PLXNA4: variants seen among roughly 807,000 people sequenced by gnomAD.
PLXNA4 encodes the protein plexin A4.
Under a neutral mutation model 191.8 loss-of-function variants are expected in PLXNA4, and 44 were observed. The observed-to-expected ratio is 0.23, with a 90% confidence interval of 0.18 to 0.29. The LOEUF is 0.29. Among genes scored for constraint, PLXNA4 ranks in the 10% least tolerant of loss-of-function variants. PLXNA4 has a pLI of 1.00. For missense variants in PLXNA4, 1,800 were observed against 2,488.8 expected, an observed-to-expected ratio of 0.72 and a Z score of 5.89; for synonymous variants, 1,082 against 1,009.5, an observed-to-expected ratio of 1.07 and a Z score of -1.36.
intron 25 of PLXNA4, among the ~76,000 whole-genome samples, chr7:132,149,752 G>A (rs1161941108): frequency 1.3e-5 from 2 of 152,182 alleles, no homozygotes; most frequent in Admixed American, 6.5e-5. Flanking sequence ...TAAGTGGCCT[G>A]GCAGTCACTG....
intron 2 of PLXNA4, among the ~76,000 whole-genome samples, chr7:132,497,631 A>C (rs1301317953): frequency 6.6e-6 from 1 of 152,144 alleles, no homozygotes; most frequent in Non-Finnish European, 1.5e-5. Flanking sequence ...TAATGCCTAA[A>C]CTTTCTCTTT....
At chr7:132,314,718 G>T (rs773646747) in intron 3 of PLXNA4, among the ~76,000 whole-genome samples, 43 of 152,194 alleles carry the variant, frequency 2.8e-4, no homozygotes, top group Non-Finnish European at 4.0e-4. Context: ...GGGTCTGCAC[G>T]CTGGAGTTCA....
intron 4 of PLXNA4, among the ~76,000 whole-genome samples, chr7:132,267,425 G>A (rs1482371222): frequency 6.6e-6 from 1 of 152,156 alleles, no homozygotes; most frequent in Admixed American, 6.5e-5. Flanking sequence ...AGCTCACAGA[G>A]CCCTCAGCCC....
At chr7:132,570,737 T>C (rs540841548) in intron 1 of PLXNA4, among the ~76,000 whole-genome samples, 20 of 152,372 alleles carry the variant, frequency 1.3e-4, no homozygotes, top group Admixed American at 3.3e-4. Flanking sequence ...GCGGAGACTA[T>C]CCTCTTAGCT....
At chr7:132,487,172 C>A (rs1280958125) in intron 3 of PLXNA4, among the ~76,000 whole-genome samples, 1 of 152,168 alleles carries the variant, frequency 6.6e-6, no homozygotes, top group Admixed American at 6.5e-5. Flanking sequence ...CACTGCCCAA[C>A]CAGCTCAGAC....
chr7:132,541,559 G>A (rs755281122), intron 1 of PLXNA4, among the ~76,000 whole-genome samples: 1 of 152,078 alleles, frequency 6.6e-6, no homozygotes, highest in Non-Finnish European at 1.5e-5. Context: ...AGGTTTTTTC[G>A]TTGTTTTCCT....
intron 4 of PLXNA4, among the ~76,000 whole-genome samples, chr7:132,282,236 T>C (rs1800504528): frequency 6.6e-6 from 1 of 152,222 alleles, no homozygotes; most frequent in African/African-American, 2.4e-5. Flanking sequence ...TGTGACATGC[T>C]GGTGTGCTGC....
intron 9 of PLXNA4, among the ~76,000 whole-genome samples, chr7:132,212,970 A>G (rs1215903250): frequency 3.3e-5 from 5 of 152,234 alleles, no homozygotes; most frequent in African/African-American, 1.2e-4. Context: ...TCACAACAGC[A>G]TCATTCACAA....
chr7:132,270,088 G>A (rs1426039707), intron 4 of PLXNA4, among the ~76,000 whole-genome samples: 5 of 152,116 alleles, frequency 3.3e-5, no homozygotes, highest in African/African-American at 7.2e-5. Flanking sequence ...ACCACTATAC[G>A]TAAAGAGACA....
chr7:132,621,567 A>G (rs1036481475), intron 2 of PLXNA4, among the ~76,000 whole-genome samples: 2 of 152,082 alleles, frequency 1.3e-5, no homozygotes, highest in African/African-American at 4.8e-5. Context: ...CCAATCTCTT[A>G]GTTTTTATAC....
intron 1 of PLXNA4, among the ~76,000 whole-genome samples, chr7:132,510,925 A>G (rs1374881088): frequency 6.6e-6 from 1 of 152,228 alleles, no homozygotes; most frequent in Non-Finnish European, 1.5e-5. Context: ...TGGGAAGTTG[A>G]GACTGAAATG....
intron 3 of PLXNA4, among the ~76,000 whole-genome samples, chr7:132,395,942 T>G (rs536722317): frequency 1.8e-4 from 28 of 152,340 alleles, no homozygotes; most frequent in South Asian, 8.3e-4. Flanking sequence ...TCACAAAATA[T>G]GGGCAACTGG....
intron 2 of PLXNA4, among the ~76,000 whole-genome samples, chr7:132,622,971 A>G (rs913273268): frequency 6.6e-6 from 1 of 152,186 alleles, no homozygotes; most frequent in South Asian, 2.1e-4. Context: ...CTATTTGTGC[A>G]GGCTATTGTT....
At chr7:132,270,275 T>TATATA (rs1398851805) in intron 4 of PLXNA4, among the ~76,000 whole-genome samples, 6 of 152,120 alleles carry the variant, frequency 3.9e-5, no homozygotes, top group African/African-American at 1.4e-4. Flanking sequence ...GCGGGAATAG[T>TATATA]TTCCAAATAA....
At position 132,179,795 on chromosome 7, in the gene PLXNA4, C is replaced by T; in HGVS notation, c.3766G>A (p.Val1256Met). ...GGLLIIFIVAVLIAYKRKSRE... is the reference protein window; with the variant it reads ...GGLLIIFIVAMLIAYKRKSRE... ...GACTTGCGTTTATAGGCAATGAGCA[C>T]GGCCACGATGAAAATGATGAGGAGG... The change falls in exon 20 of 32, where the codon GTG (valine) becomes ATG (methionine). Residue 1256 changes from valine to methionine, a missense_variant. This residue lies in a region of PLXNA4 where 1,397 missense variants were observed against 1,880.4 expected (regional missense o/e 0.74). Coordinates refer to ENST00000321063, the MANE Select transcript of PLXNA4 (RefSeq NM_020911.2). The T allele has an allele frequency of 6.2e-7, 1 of 1,613,732 alleles. No individual in the cohort carries two copies. The highest frequency in any genetic ancestry group is 8.5e-7 in the Non-Finnish European group (1 of 1,180,012).
chr7:132,174,652 G>A, intron 21 of PLXNA4, 126 bp downstream of exon 21: 3 of 1,437,584 alleles, frequency 2.1e-6, no homozygotes, highest in Non-Finnish European at 1.9e-6. Context: ...GACAATCTGG[G>A]GGACCTTGGG....
At chr7:132,598,756 T>A (rs1802763484) in intron 2 of PLXNA4, among the ~76,000 whole-genome samples, 1 of 151,668 alleles carries the variant, frequency 6.6e-6, no homozygotes, top group Non-Finnish European at 1.5e-5. Flanking sequence ...CATGGTATCC[T>A]TCATCTAATA....
chr7:132,130,652 T>G (rs906066013), intron 31 of PLXNA4, 78 bp from the exon 32 acceptor site: 1 of 1,602,630 alleles, frequency 6.2e-7, no homozygotes, highest in Non-Finnish European at 8.5e-7. Flanking sequence ...AAAGATGGTG[T>G]GGATGTGGTC....
At chr7:132,631,738 A>T (rs1803494275) in intron 2 of PLXNA4, among the ~76,000 whole-genome samples, 1 of 152,096 alleles carries the variant, frequency 6.6e-6, no homozygotes, top group East Asian at 1.9e-4. Flanking sequence ...ACCTCTCCTC[A>T]TTATTCCTGG....
Sources: gnomAD v4.1 joint callset for allele counts (sites outside exome capture counted in the v4.1 genomes callset) on GRCh38, gnomAD v4.1.1 for gene constraint, gnomAD v4.1.1 regional missense constraint, MANE v1.5 for transcripts, NCBI Gene and HGNC (gene_info 2026-07-23, HGNC 2026-07-21) for gene names.